The following RPH3A variants were observed in gnomAD, a reference collection of about 807,000 sequenced individuals.
RPH3A encodes the protein rabphilin-3A.
In RPH3A, 48 loss-of-function variants were observed where a neutral mutation model predicts 102.2. The observed-to-expected ratio is 0.47, with a 90% CI of 0.37 to 0.60. The LOEUF is 0.60. RPH3A is among the 20% of genes least tolerant of loss of function. RPH3A has a pLI of 0.00. For missense variants in RPH3A, 781 were observed against 910.1 expected (o/e 0.86, Z 1.83); for synonymous variants, 310 against 324.3 (o/e 0.96, Z 0.47).
chr12:112,613,000 A>G (rs1467609285), intron 1 of RPH3A, among the ~76,000 whole-genome samples: 1 of 152,124 alleles, frequency 6.6e-6, no homozygotes, highest in Non-Finnish European at 1.5e-5. Context: ...TAATAATGAT[A>G]ATGATGATGA....
intron 1 of RPH3A, among the ~76,000 whole-genome samples, chr12:112,586,741 A>C (rs773812648): frequency 6.6e-6 from 1 of 152,206 alleles, no homozygotes; most frequent in African/African-American, 2.4e-5. Flanking sequence ...AGGTCCTACT[A>C]TTTATGGCCA....
intron 1 of RPH3A, among the ~76,000 whole-genome samples, chr12:112,643,168 CTG>C (rs1664189215): frequency 6.6e-6 from 1 of 152,186 alleles, no homozygotes; most frequent in South Asian, 2.1e-4. Flanking sequence ...GCTCCCGAAT[CTG>C]TGCATTTAAC....
At chr12:112,883,055 G>A (rs1182697208) in intron 15 of RPH3A, among the ~76,000 whole-genome samples, 1 of 152,116 alleles carries the variant, frequency 6.6e-6, no homozygotes, top group Non-Finnish European at 1.5e-5. Context: ...GTTCAAGGAG[G>A]AGGCTTAGTG....
intron 1 of RPH3A, among the ~76,000 whole-genome samples, chr12:112,726,031 G>A (rs1156934306): frequency 2.6e-5 from 4 of 151,596 alleles, no homozygotes; most frequent in Non-Finnish European, 4.4e-5. Context: ...TCCTGACCTC[G>A]TGATCCACCC....
chr12:112,738,198 AT>A (rs34485530), intron 1 of RPH3A, among the ~76,000 whole-genome samples: 88,317 of 149,148 alleles, frequency 0.59, 26,091 homozygotes, highest in East Asian at 0.78. Flanking sequence ...TAATTAATTA[AT>A]TTTTTTTTTT....
At chr12:112,886,733 G>T (rs186963085) in intron 16 of RPH3A, among the ~76,000 whole-genome samples, 4 of 152,342 alleles carry the variant, frequency 2.6e-5, no homozygotes, top group African/African-American at 9.6e-5. Flanking sequence ...GGGAGACCTG[G>T]ATTCAAACCC....
intron 1 of RPH3A, among the ~76,000 whole-genome samples, chr12:112,683,666 C>T (rs900475258): frequency 6.6e-6 from 1 of 152,182 alleles, no homozygotes; most frequent in Non-Finnish European, 1.5e-5. Flanking sequence ...TCAGAATTGT[C>T]TCACTGCTGA....
intron 1 of RPH3A, among the ~76,000 whole-genome samples, chr12:112,662,453 A>G (rs2040055042): frequency 6.6e-6 from 1 of 152,218 alleles, no homozygotes; most frequent in African/African-American, 2.4e-5. Flanking sequence ...CAAAGCTCAG[A>G]GAGGTTGTGA....
chr12:112,803,938 C>T (rs540548562), intron 2 of RPH3A, among the ~76,000 whole-genome samples: 2 of 152,364 alleles, frequency 1.3e-5, no homozygotes, highest in South Asian at 2.1e-4. Context: ...GTACCTCCCT[C>T]ATAGAGTGGC....
chr12:112,640,410 TAC>T (rs2039880733), intron 1 of RPH3A, among the ~76,000 whole-genome samples: 1 of 131,396 alleles, frequency 7.6e-6, no homozygotes, highest in Non-Finnish European at 1.6e-5. Flanking sequence ...ACCACTGTAC[TAC>T]ACAGTCTCTA....
Position 112,843,602 on chromosome 12 carries a change from C to T in RPH3A, c.84-4094C>T, listed in dbSNP as rs369047057. 2.8e-4 allele frequency among the ~76,000 whole-genome samples: 43 copies of T among 152,280 alleles called. 2 individuals are homozygous for T. In the South Asian group the frequency reaches 8.9e-3, roughly 32 times the overall value. On this transcript the variant is annotated intron_variant, in intron 4 of 21. Transcript: ENST00000389385. ...AATGGTGTGGTGGTGGGGTGTGAGCCATTGACTTTAGGTCAGGCTGGCTCC... is the reference window on the plus strand; with the variant it reads ...AATGGTGTGGTGGTGGGGTGTGAGCTATTGACTTTAGGTCAGGCTGGCTCC...
At chr12:112,677,346 C>T (rs1280778511) in intron 1 of RPH3A, among the ~76,000 whole-genome samples, 1 of 82,064 alleles carries the variant, frequency 1.2e-5, no homozygotes, top group African/African-American at 4.0e-5. Flanking sequence ...TCCCTCCTTC[C>T]CTTCCTCCCT....
intron 4 of RPH3A, among the ~76,000 whole-genome samples, chr12:112,846,721 C>A (rs1037361378): frequency 6.6e-6 from 1 of 152,178 alleles, no homozygotes; most frequent in Non-Finnish European, 1.5e-5. Context: ...CCCTGCCTTC[C>A]ACTCCAGTGA....
upstream of RPH3A, among the ~76,000 whole-genome samples, chr12:112,788,806 C>T (rs1421077456): frequency 6.6e-6 from 1 of 152,174 alleles, no homozygotes; most frequent in African/African-American, 2.4e-5. Context: ...TCTGATTCCA[C>T]CACCAGCATC....
chr12:112,750,706 C>G (rs1490147145), intron 1 of RPH3A, among the ~76,000 whole-genome samples: 1 of 152,102 alleles, frequency 6.6e-6, no homozygotes, highest in Non-Finnish European at 1.5e-5. Context: ...CCATGTCTTT[C>G]CTATTTAGCT....
Position 112,894,612 on chromosome 12 carries a change from C to G in RPH3A, c.1810C>G (p.His604Asp). Residue 604 changes from histidine to aspartate, a missense_variant, in exon 20 of 22, where the codon CAC (histidine) becomes GAC (aspartate). By Grantham distance (81) the His-to-Asp change is moderately conservative. Coordinates refer to ENST00000389385, the MANE Select transcript of RPH3A (RefSeq NM_001143854.2). ...ACCGGACATGGGAAAGAAGGCCAAA[C>G]ACAAGACTCAAATTAAAAAGAAAAC... ...LKPDMGKKAK[H>D]KTQIKKKTLN... 6.2e-7 allele frequency: 1 copy of G among 1,613,926 alleles called. No homozygotes were observed. The highest frequency in any genetic ancestry group is 8.5e-7 in the Non-Finnish European group (1 of 1,179,956).
intron 1 of RPH3A, among the ~76,000 whole-genome samples, chr12:112,772,579 T>G (rs2040934283): frequency 6.6e-6 from 1 of 152,214 alleles, no homozygotes; most frequent in South Asian, 2.1e-4. Flanking sequence ...CACCTTTCTT[T>G]AAGTCTTATA....
chr12:112,587,644 A>G lies in RPH3A; in HGVS notation c.-140+12325A>G, dbSNP rs917786820. 2.6e-5 allele frequency among the ~76,000 whole-genome samples: 4 copies of G among 151,858 alleles called. 1 individual carries two copies. ...AGCCCCTTATGCTTTATTTTTCTTTATCTCATTTATGACTTCCTGACCTTA... is the reference window on the plus strand; with the variant it reads ...AGCCCCTTATGCTTTATTTTTCTTTGTCTCATTTATGACTTCCTGACCTTA... On this transcript the variant is annotated intron_variant, in intron 1 of 21. Transcript: ENST00000543106.
intron 2 of RPH3A, among the ~76,000 whole-genome samples, chr12:112,821,297 C>T (rs2041774120): frequency 6.6e-6 from 1 of 152,180 alleles, no homozygotes; most frequent in Non-Finnish European, 1.5e-5. Context: ...ACTCTGGATG[C>T]ATATTTGAGA....
Sources: allele counts gnomAD v4.1 joint callset (sites outside exome capture counted in the v4.1 genomes callset), GRCh38; gene constraint gnomAD v4.1.1; transcripts MANE v1.5; gene names NCBI Gene and HGNC (gene_info 2026-07-23, HGNC 2026-07-21).